IGF2BP2: variants seen among roughly 807,000 people sequenced by gnomAD.
IGF2BP2 encodes insulin-like growth factor 2 mRNA-binding protein 2.
In IGF2BP2, 17 loss-of-function variants were observed where a neutral mutation model predicts 75.8. That is an observed-to-expected ratio of 0.22 (90% CI 0.15 to 0.34). The LOEUF (loss-of-function observed/expected upper bound fraction) is 0.34. IGF2BP2 is among the 10% of genes least tolerant of loss of function. The pLI is 1.00. For synonymous variants in IGF2BP2, 288 were observed against 295.6 expected (o/e 0.97, Z 0.26); for missense variants, 516 against 772.4 (o/e 0.67, Z 3.93).
chr3:185,789,720 A>C (rs1578310695), intron 2 of IGF2BP2, among the ~76,000 whole-genome samples: 3 of 144,818 alleles, frequency 2.1e-5, no homozygotes, highest in Admixed American at 7.1e-5. Flanking sequence ...GTTACTAACA[A>C]CCAGGAATTT....
intron 2 of IGF2BP2, among the ~76,000 whole-genome samples, chr3:185,736,557 GGAT>G (rs1236149914): frequency 6.6e-6 from 1 of 152,178 alleles, no homozygotes; most frequent in Non-Finnish European, 1.5e-5. Context: ...AACATCTTGG[GGAT>G]GACATTTCCT....
Position 185,644,929 on chromosome 3 carries a change from C to A in IGF2BP2, c.*602G>T, listed in dbSNP as rs893677218. ...CGGGTGGCCTCAAAGCTCCTCTCTA[C>A]ACCGTGAGACCTCCCAAAGACTTTA... On this transcript the variant is annotated 3_prime_UTR_variant, in exon 16 of 16. Transcript: ENST00000382199. The A allele has an allele frequency of 4.6e-5, 7 of 152,478 alleles. No homozygotes were observed. The highest frequency in any genetic ancestry group is 1.7e-4 in the African/African-American group (7 of 41,406). The allele number at this position is 152,478 out of a possible 1,614,324, so 9.4% of individuals were successfully genotyped here. A position where few individuals can be genotyped will look rare whatever the true frequency, so the allele number is the denominator to read the frequency against.
intron 2 of IGF2BP2, among the ~76,000 whole-genome samples, chr3:185,805,054 T>C (rs1738826063): frequency 6.6e-6 from 1 of 151,802 alleles, no homozygotes; most frequent in African/African-American, 2.4e-5. Context: ...CATCCACCAA[T>C]GTGATGGAAA....
intron 2 of IGF2BP2, chr3:185,767,961 A>G (rs1176741669): frequency 6.6e-6 from 1 of 152,314 alleles, no homozygotes; most frequent in African/African-American, 2.4e-5. Flanking sequence ...ATCCAATTAT[A>G]CTTCTAGGAA....
intron 3 of IGF2BP2, among the ~76,000 whole-genome samples, chr3:185,697,648 TA>T (rs1722760042): frequency 6.6e-6 from 1 of 152,216 alleles, no homozygotes; most frequent in South Asian, 2.1e-4. Flanking sequence ...AAAATTCTGC[TA>T]AAACCAACAA....
intron 2 of IGF2BP2, among the ~76,000 whole-genome samples, chr3:185,747,499 T>TA (rs1313679476): frequency 3.9e-5 from 6 of 151,952 alleles, no homozygotes; most frequent in African/African-American, 1.2e-4. Flanking sequence ...ACCAACATGG[T>TA]AAAACCCCAT....
intron 6 of IGF2BP2, 31 bp downstream of exon 6, chr3:185,689,324 A>T (rs761759665): frequency 1.2e-6 from 2 of 1,602,946 alleles, no homozygotes; most frequent in Non-Finnish European, 1.7e-6. Flanking sequence ...ACCCCTCAGA[A>T]GGAAGCAAAG....
chr3:185,822,774 T>C (rs1451484660), intron 2 of IGF2BP2, among the ~76,000 whole-genome samples: 4 of 151,482 alleles, frequency 2.6e-5, no homozygotes, highest in Non-Finnish European at 5.9e-5. Context: ...TTAGCTGACA[T>C]AGTAAATATT....
chr3:185,786,047 ATC>A (rs1368534757), intron 2 of IGF2BP2, among the ~76,000 whole-genome samples: 3 of 152,106 alleles, frequency 2.0e-5, no homozygotes, highest in Non-Finnish European at 2.9e-5. Context: ...TTTCAAACTT[ATC>A]TTTCATTATC....
chr3:185,823,269 T>C (rs1578425990), intron 1 of IGF2BP2, 56 bp from the exon 2 acceptor site: 8 of 1,386,872 alleles, frequency 5.8e-6, no homozygotes, highest in East Asian at 2.4e-5. Context: ...CCCGCGGGGG[T>C]CTAGGGGGGG....
chr3:185,643,927 A>C lies in IGF2BP2; in HGVS notation c.*1604T>G, dbSNP rs773330882. ...GCCCTAATGGCGCGTACCCTATTAA[A>C]ATTCAGGACATCTCCAATATTCTCT... On this transcript the variant is annotated 3_prime_UTR_variant, in exon 16 of 16. Coordinates refer to ENST00000382199, the MANE Select transcript of IGF2BP2 (RefSeq NM_006548.6). The C allele has an allele frequency of 6.6e-6, 1 of 151,754 alleles. No individual in the cohort carries two copies. Among genetic ancestry groups the C allele is most frequent in the Non-Finnish European group, 1.5e-5 (1 of 67,840 alleles). The allele number at this position is 151,754 out of a possible 1,614,324, so 9.4% of individuals were successfully genotyped here. A position where few individuals can be genotyped will look rare whatever the true frequency, so the allele number is the denominator to read the frequency against.
intron 2 of IGF2BP2, among the ~76,000 whole-genome samples, chr3:185,744,024 T>C (rs1729919003): frequency 6.6e-6 from 1 of 152,250 alleles, no homozygotes; most frequent in African/African-American, 2.4e-5. Context: ...ATACATTTTT[T>C]AGTGCAAATC....
intron 2 of IGF2BP2, among the ~76,000 whole-genome samples, chr3:185,702,658 T>A (rs1387489410): frequency 1.3e-5 from 2 of 152,002 alleles, no homozygotes; most frequent in African/African-American, 4.8e-5. Context: ...CCCTCTCCCA[T>A]CCACTCCTCA....
chr3:185,823,441 A>G (rs1165532843), intron 1 of IGF2BP2, among the ~76,000 whole-genome samples: 2 of 152,174 alleles, frequency 1.3e-5, no homozygotes, highest in Non-Finnish European at 2.9e-5. Context: ...GACCCCAGGT[A>G]TAGCCGTGGG....
chr3:185,692,005 G>A (rs945714713), intron 5 of IGF2BP2, among the ~76,000 whole-genome samples: 2 of 152,166 alleles, frequency 1.3e-5, no homozygotes, highest in African/African-American at 4.8e-5. Flanking sequence ...AAAATGCTGG[G>A]ATTACAGGCA....
chr3:185,699,517 T>C (rs1723015257), intron 2 of IGF2BP2, among the ~76,000 whole-genome samples: 1 of 152,258 alleles, frequency 6.6e-6, no homozygotes, highest in Non-Finnish European at 1.5e-5. Context: ...AAAGTTATAC[T>C]GTGAAAAGTC....
At chr3:185,768,347 TA>T (rs750625999) in intron 2 of IGF2BP2, among the ~76,000 whole-genome samples, 13 of 152,120 alleles carry the variant, frequency 8.5e-5, no homozygotes, top group Non-Finnish European at 1.6e-4. Context: ...AGTATGTAGT[TA>T]GAGGTGTCAC....
intron 2 of IGF2BP2, among the ~76,000 whole-genome samples, chr3:185,788,881 T>G (rs9862033): frequency 6.6e-6 from 1 of 151,920 alleles, no homozygotes; most frequent in East Asian, 1.9e-4. Context: ...CCAGCTAATT[T>G]TGGTATTTTT....
In IGF2BP2 at chr3:185,690,111, G is replaced by A. The variant is rs2121841; in HGVS notation, c.405-484C>T. Among the ~76,000 whole-genome samples the A allele has an allele frequency of 5.4e-3, 827 of 152,274 alleles. 16 individuals are homozygous for A. The highest frequency in any genetic ancestry group is 0.026 in the Admixed American group (398 of 15,292). ...CCATCTCTGCTCCCTCAGGGCTTAC[G>A]GTTAACAGTTAAACAAGTAATCACA... is the stretch of plus-strand genomic sequence containing the variant. On this transcript the variant is annotated intron_variant, in intron 5 of 15. Coordinates refer to ENST00000382199, the MANE Select transcript of IGF2BP2 (RefSeq NM_006548.6).
Sources: allele counts gnomAD v4.1 joint callset (sites outside exome capture counted in the v4.1 genomes callset), GRCh38; gene constraint gnomAD v4.1.1; transcripts MANE v1.5; gene names NCBI Gene and HGNC (gene_info 2026-07-23, HGNC 2026-07-21).